Variants in AMH observed in about 807,000 individuals in gnomAD.
The protein encoded by AMH is anti-Muellerian hormone.
In AMH, 39 loss-of-function variants were observed where a neutral mutation model predicts 33.3. The observed-to-expected ratio is 1.17, with a 90% CI of 0.91 to 1.53. The LOEUF (loss-of-function observed/expected upper bound fraction) is 1.53. Among genes scored for constraint, AMH ranks in the 40% most tolerant of loss-of-function variants. The probability of loss-of-function intolerance (pLI) is 0.00; values close to 1 mark genes in which losing one functional copy is unlikely to be tolerated. For synonymous variants in AMH, 536 were observed against 403.0 expected, an observed-to-expected ratio of 1.33 and a Z score of -3.95; for missense variants, 1,019 against 799.8, an observed-to-expected ratio of 1.27 and a Z score of -3.30.
rs750827494 is a variant in AMH, at chr19:2,250,690, A to G, written c.594A>G (p.Leu198=). Residue 198 remains leucine, a synonymous_variant, in exon 3 of 5, where the codon TTA becomes TTG. Transcript: ENST00000221496. Reference sequence around the variant, plus strand: ...CCCGAGACACCCGCTACCTGGTGTTAGCGGTGGACCGCCCTGCGGGGGCCT... The same window carrying G: ...CCCGAGACACCCGCTACCTGGTGTTGGCGGTGGACCGCCCTGCGGGGGCCT... The part of the protein sequence containing the change: ...CPSRDTRYLV[L]AVDRPAGAWR... 7 of 1,539,602 alleles carry G rather than the reference A, an allele frequency of 4.5e-6. No individual in the cohort carries two copies. Among genetic ancestry groups the G allele is most frequent in the Non-Finnish European group, 6.1e-6 (7 of 1,147,502 alleles).
Position 2,251,731 on chromosome 19 carries a change from A to C in AMH, c.1457A>C (p.Asn486Thr), listed in dbSNP as rs1389433397. ...CTCATCCCCGAGACCTACCAGGCCA[A>C]CAATTGCCAGGGCGTGTGCGGCTGG... ...SVLIPETYQA[N>T]NCQGVCGWPQ... Residue 486 changes from asparagine to threonine, a missense_variant, in exon 5 of 5, where the codon AAC (asparagine) becomes ACC (threonine). Coordinates refer to ENST00000221496, the MANE Select transcript of AMH (RefSeq NM_000479.5). 6.2e-7 allele frequency: 1 copy of C among 1,611,830 alleles called. No homozygotes were observed. The highest frequency in any genetic ancestry group is 2.2e-5 in the East Asian group (1 of 44,866).
In AMH at chr19:2,249,632, C is replaced by T. The variant is rs147472740; in HGVS notation, c.300C>T (p.Phe100=). Residue 100 remains phenylalanine, a synonymous_variant, in exon 1 of 5, where the codon TTC becomes TTT. Coordinates refer to ENST00000221496, the MANE Select transcript of AMH (RefSeq NM_000479.5). ...ARWGPRDLAT[F]GVCNTGDRQA... The stretch of plus-strand genomic sequence containing the variant: ...GGGGCCCCCGAGACCTGGCCACCTT[C>T]GGGGTCTGCAACACCGGTGACAGGC... 9.8e-4 allele frequency: 1,501 copies of T among 1,529,300 alleles called. 9 individuals are homozygous for T. The East Asian group carries it at 0.021, about 21-fold the overall frequency. 94.7% of individuals were successfully genotyped at this position (1,529,300 alleles called of 1,614,324 possible).
In AMH at chr19:2,251,296, A is replaced by G; in HGVS notation, c.1022A>G (p.Asp341Gly). 1 of 1,503,004 alleles carries G rather than the reference A, an allele frequency of 6.7e-7. No individual in the cohort carries two copies. 93.1% of individuals were successfully genotyped at this position (1,503,004 alleles called of 1,614,324 possible). A position where few individuals can be genotyped will look rare whatever the true frequency, so the allele number is the denominator to read the frequency against. ...CCCGCGGCGCTGGAGCGCCTACTCG[A>G]CGGCGAGGAGCCGCTGCTGCTGCTG... Reference protein sequence around the residue: ...SDPAALERLLDGEEPLLLLLR... With the variant: ...SDPAALERLLGGEEPLLLLLR... Residue 341 changes from aspartate (D) to glycine (G), a missense_variant, in exon 5 of 5, where the codon GAC becomes GGC. Transcript: ENST00000221496.
At position 2,251,794 on chromosome 19, in the gene AMH, T is replaced by C. The variant is rs761283683; in HGVS notation, c.1520T>C (p.Val507Ala). Residue 507 changes from valine to alanine, a missense_variant, in exon 5 of 5, where the codon GTG becomes GCG. Physicochemically the swap from Val to Ala is moderately conservative, Grantham distance 64. Transcript: ENST00000221496. ...CGCAACCCGCGCTACGGCAACCACG[T>C]GGTGCTGCTGCTGAAGATGCAGGTC... ...SDRNPRYGNHVVLLLKMQVRG... is the reference protein window; with the variant it reads ...SDRNPRYGNHAVLLLKMQVRG... 5.6e-6 allele frequency: 9 copies of C among 1,609,176 alleles called. No individual in the cohort carries two copies. The Admixed American group carries it at 6.7e-5, about 12-fold the overall frequency.
In AMH at chr19:2,250,757, G is replaced by A. The variant is rs2025022789; in HGVS notation, c.661G>A (p.Glu221Lys). ...GLALTLQPRGEDSRLSTARLQ... is the reference protein window; with the variant it reads ...GLALTLQPRGKDSRLSTARLQ... The stretch of plus-strand genomic sequence containing the variant: ...GGCCTTGACCCTGCAGCCCCGCGGA[G>A]AGGGTAGGTCCGCGTGGAGAGGGAC... The change falls in exon 3 of 5, where the codon GAG becomes AAG. Residue 221 changes from glutamate to lysine, a missense_variant. Transcript: ENST00000221496. 3 of 1,535,644 alleles carry A rather than the reference G, an allele frequency of 2.0e-6. No homozygotes were observed. The highest frequency in any genetic ancestry group is 1.2e-5 in the South Asian group (1 of 84,088).
chr19:2,251,924 C>A lies in AMH; in HGVS notation c.1650C>A (p.Pro550=). The change falls in exon 5 of 5, where the codon CCC becomes CCA. Residue 550 remains proline (P), a synonymous_variant. Transcript: ENST00000221496. ...SEERISAHHV[P]NMVATECGCR ...AGCGCATCAGCGCGCACCACGTGCCCAACATGGTGGCCACCGAGTGTGGCT... is the reference window on the plus strand; with the variant it reads ...AGCGCATCAGCGCGCACCACGTGCCAAACATGGTGGCCACCGAGTGTGGCT... 1.3e-6 allele frequency: 2 copies of A among 1,556,054 alleles called. No individual in the cohort carries two copies. Among genetic ancestry groups the A allele is most frequent in the South Asian group, 1.2e-5 (1 of 86,338 alleles).
In AMH at chr19:2,250,882, T is replaced by G. The variant is rs781079125; in HGVS notation, c.698T>G (p.Leu233Arg). The G allele has an allele frequency of 1.9e-6, 3 of 1,574,852 alleles. No homozygotes were observed. The highest frequency in any genetic ancestry group is 4.6e-5 in the East Asian group (2 of 43,818). ...SRLSTARLQA[L>R]LFGDDHRCFT... is the part of the protein sequence containing the mutation. ...CTGAGTACCGCCCGGCTGCAGGCAC[T>G]GCTGTTCGGCGACGACCACCGCTGC... The change falls in exon 4 of 5, where the codon CTG becomes CGG. Residue 233 changes from leucine (L) to arginine (R), a missense_variant. Coordinates refer to ENST00000221496, the MANE Select transcript of AMH (RefSeq NM_000479.5).
chr19:2,249,497 C>T lies in AMH; in HGVS notation c.165C>T (p.Cys55=). ...WPPGSPQEPL[C]LVALGGDSNG... ...CAGGCAGCCCACAAGAGCCTCTGTG[C>T]CTGGTGGCACTGGGCGGGGACAGCA... The change falls in exon 1 of 5, where the codon TGC becomes TGT. Residue 55 remains cysteine, a synonymous_variant. Coordinates refer to ENST00000221496, the MANE Select transcript of AMH (RefSeq NM_000479.5). The T allele has an allele frequency of 2.5e-6, 4 of 1,606,854 alleles. No individual in the cohort carries two copies. The highest frequency in any genetic ancestry group is 2.5e-6 in the Non-Finnish European group (3 of 1,177,826).
Position 2,251,079 on chromosome 19 carries a change from C to A in AMH, c.825-20C>A, listed in dbSNP as rs2025031607. ...CGTGGCCTCGTGGCCGCTCTCAACT[C>A]CTCCAATTGCGGGTTCCAGGCCATC... On this transcript the variant is annotated intron_variant, in intron 4 of 4. Coordinates refer to ENST00000221496, the MANE Select transcript of AMH (RefSeq NM_000479.5). The A allele has an allele frequency of 2.6e-6, 4 of 1,537,814 alleles. No homozygotes were observed. The East Asian group carries it at 9.8e-5, about 38-fold the overall frequency.
At position 2,249,384 on chromosome 19, in the gene AMH, G is replaced by A. The variant is rs749214406; in HGVS notation, c.52G>A (p.Ala18Thr). 3.4e-5 allele frequency: 54 copies of A among 1,588,230 alleles called. No individual in the cohort carries two copies. The highest frequency in any genetic ancestry group is 4.2e-5 in the Non-Finnish European group (49 of 1,168,290). The change falls in exon 1 of 5, where the codon GCT becomes ACT. Residue 18 changes from alanine to threonine, a missense_variant. Transcript: ENST00000221496. ...SLALVLSALGALLGTEALRAE... is the reference protein window; with the variant it reads ...SLALVLSALGTLLGTEALRAE... ...GGCCCTAGTGCTGTCTGCCCTGGGG[G>A]CTCTGCTGGGGACTGAGGCCCTCAG...
rs773772660 is a variant in AMH, at chr19:2,251,268, G to C, written c.994G>C (p.Asp332His). 10 of 1,505,372 alleles carry C rather than the reference G, an allele frequency of 6.6e-6. No homozygotes were observed. The highest frequency in any genetic ancestry group is 2.5e-5 in the South Asian group (2 of 80,784). The allele number at this position is 1,505,372 out of a possible 1,614,324, so 93.3% of individuals were successfully genotyped here. ...GFPQGLVNLSDPAALERLLDG... is the reference protein window; with the variant it reads ...GFPQGLVNLSHPAALERLLDG... ...CCCGCAGGGCCTAGTCAACCTGTCG[G>C]ACCCCGCGGCGCTGGAGCGCCTACT... Residue 332 changes from aspartate to histidine, a missense_variant, in exon 5 of 5, where the codon GAC becomes CAC. Asp to His is a moderately conservative substitution (Grantham distance 81, BLOSUM62 -1). Transcript: ENST00000221496.
chr19:2,251,436 G>C lies in AMH; in HGVS notation c.1162G>C (p.Ala388Pro), dbSNP rs2025041385. 3 of 1,438,834 alleles carry C rather than the reference G, an allele frequency of 2.1e-6. No homozygotes were observed. Among genetic ancestry groups the C allele is most frequent in the Non-Finnish European group, 2.7e-6 (3 of 1,101,530 alleles). The allele number at this position is 1,438,834 out of a possible 1,614,324, so 89.1% of individuals were successfully genotyped here. A position where few individuals can be genotyped will look rare whatever the true frequency, so the allele number is the denominator to read the frequency against. ...GGCTGCTGAACTGCAAGCGGCGGCT[G>C]CCGAGCTGCGAAGCCTCCCGGGTCT... ...RVAAELQAAAAELRSLPGLPP... is the reference protein window; with the variant it reads ...RVAAELQAAAPELRSLPGLPP... The change falls in exon 5 of 5, where the codon GCC (alanine) becomes CCC (proline). Residue 388 changes from alanine to proline, a missense_variant. Coordinates refer to ENST00000221496, the MANE Select transcript of AMH (RefSeq NM_000479.5).
At chr19:2,251,044 G>A in intron 4 of AMH, 36 bp downstream of exon 4, 1 of 1,526,872 alleles carries the variant, frequency 6.5e-7, no homozygotes, top group Non-Finnish European at 8.7e-7. Flanking sequence ...GCAGGAGCGG[G>A]CGGGGGCGGC....
At chr19:2,250,579 TGGGA>T in intron 2 of AMH, 69 bp from the exon 3 acceptor site, 4 of 1,537,264 alleles carry the variant, frequency 2.6e-6, no homozygotes, top group Non-Finnish European at 3.5e-6. Context: ...CCAGTGGCGA[TGGGA>T]GGAAGGGGAC....
rs1187536217 is a variant in AMH at position 2,251,438 on chromosome 19, C to G, written c.1164C>G (p.Ala388=). The change falls in exon 5 of 5, where the codon GCC becomes GCG. Residue 388 remains alanine, a synonymous_variant. Coordinates refer to ENST00000221496, the MANE Select transcript of AMH (RefSeq NM_000479.5). ...RVAAELQAAA[A]ELRSLPGLPP... ...CTGCTGAACTGCAAGCGGCGGCTGC[C>G]GAGCTGCGAAGCCTCCCGGGTCTGC... 2.8e-6 allele frequency: 4 copies of G among 1,438,392 alleles called. No homozygotes were observed. The highest frequency in any genetic ancestry group is 1.4e-5 in the South Asian group (1 of 72,778). The allele number at this position is 1,438,392 out of a possible 1,614,324, so 89.1% of individuals were successfully genotyped here.
chr19:2,250,918 T>G lies in AMH; in HGVS notation c.734T>G (p.Met245Arg), dbSNP rs1452061416. ...FGDDHRCFTR[M>R]TPALLLLPRS... ...GACGACCACCGCTGCTTCACACGGA[T>G]GACCCCGGCCCTGCTCCTGCTGCCG... Residue 245 changes from methionine to arginine, a missense_variant, in exon 4 of 5, where the codon ATG (methionine) becomes AGG (arginine). Transcript: ENST00000221496. 6.4e-7 allele frequency: 1 copy of G among 1,566,314 alleles called. No individual in the cohort carries two copies. The highest frequency in any genetic ancestry group is 1.2e-5 in the South Asian group (1 of 86,834).
At position 2,252,071 on chromosome 19, in the gene AMH, G is replaced by A; in HGVS notation, c.*114G>A. 2 of 1,442,434 alleles carry A rather than the reference G, an allele frequency of 1.4e-6. No individual in the cohort carries two copies. The highest frequency in any genetic ancestry group is 2.5e-5 in the East Asian group (1 of 39,980). The allele number at this position is 1,442,434 out of a possible 1,614,324, so 89.4% of individuals were successfully genotyped here. On this transcript the variant is annotated 3_prime_UTR_variant, in exon 5 of 5. Coordinates refer to ENST00000221496, the MANE Select transcript of AMH (RefSeq NM_000479.5). ...CCCCAATAAAGACCAGCAAGCAACC[G>A]GCTGGGGTGTCCGTGCGTGTTAGGG... is the stretch of plus-strand genomic sequence containing the variant.
rs762933869 is a variant in AMH at position 2,251,637 on chromosome 19, G to A, written c.1363G>A (p.Ala455Thr). 3.8e-6 allele frequency: 6 copies of A among 1,585,230 alleles called. No homozygotes were observed. The highest frequency in any genetic ancestry group is 2.3e-5 in the East Asian group (1 of 42,824). ...GPGRAQRSAG[A>T]TAADGPCALR... Reference sequence around the variant, plus strand: ...GGGTCGGGCACAGCGCAGCGCGGGGGCCACCGCCGCCGACGGGCCGTGCGC... The same window carrying A: ...GGGTCGGGCACAGCGCAGCGCGGGGACCACCGCCGCCGACGGGCCGTGCGC... Residue 455 changes from alanine to threonine, a missense_variant, in exon 5 of 5, where the codon GCC (alanine) becomes ACC (threonine). By Grantham distance (58) the Ala-to-Thr change is moderately conservative. Coordinates refer to ENST00000221496, the MANE Select transcript of AMH (RefSeq NM_000479.5).
At position 2,251,349 on chromosome 19, in the gene AMH, G is replaced by T. The variant is rs574400311; in HGVS notation, c.1075G>T (p.Asp359Tyr). The change falls in exon 5 of 5, where the codon GAT becomes TAT. Residue 359 changes from aspartate (D) to tyrosine (Y), a missense_variant. Physicochemically the swap from Asp to Tyr is radical, Grantham distance 160. Transcript: ENST00000221496. ...GAGGCCCACTGCGGCCACCACCGGGGATCCTGCGCCCCTGCACGACCCCAC... is the reference window on the plus strand; with the variant it reads ...GAGGCCCACTGCGGCCACCACCGGGTATCCTGCGCCCCTGCACGACCCCAC... ...LLRPTAATTG[D>Y]PAPLHDPTSA... 1 of 1,492,240 alleles carries T rather than the reference G, an allele frequency of 6.7e-7. No homozygotes were observed. The highest frequency in any genetic ancestry group is 8.9e-7 in the Non-Finnish European group (1 of 1,128,306). The allele number at this position is 1,492,240 out of a possible 1,614,324, so 92.4% of individuals were successfully genotyped here.
Sources: allele counts gnomAD v4.1 joint callset, GRCh38; gene constraint gnomAD v4.1.1; transcripts MANE v1.5; gene names NCBI Gene and HGNC (gene_info 2026-07-23, HGNC 2026-07-21).